Variants in TFEB observed in about 807,000 individuals in gnomAD.
TFEB encodes T-cell transcription factor EB.
In TFEB, 12 loss-of-function variants were observed where a neutral mutation model predicts 48.0. The ratio of observed to expected loss-of-function variants is 0.25; its 90% CI spans 0.16 to 0.40. The LOEUF (loss-of-function observed/expected upper bound fraction) is 0.40. Ranked by LOEUF, TFEB falls within the 10% of genes least tolerant of loss-of-function variation. The pLI is 1.00. For missense variants in TFEB, 509 were observed against 640.3 expected, an observed-to-expected ratio of 0.79 and a Z score of 2.21; for synonymous variants, 244 against 261.4, an observed-to-expected ratio of 0.93 and a Z score of 0.64.
Position 41,684,990 on chromosome 6 carries a change from T to C in TFEB, c.1040A>G (p.Lys347Arg). ...GCCCTCTTCGCTAGGCAGCTCCTGC[T>C]TCACCACCTGCTGGGCCAGCTCAGC... The part of the protein sequence containing the change: ...NMAELAQQVV[K>R]QELPSEEGPG... Residue 347 changes from lysine to arginine, a missense_variant, in exon 9 of 9, where the codon AAG becomes AGG. Transcript: ENST00000373033. 6.4e-7 allele frequency: 1 copy of C among 1,566,682 alleles called. No homozygotes were observed. Among genetic ancestry groups the C allele is most frequent in the Non-Finnish European group, 8.6e-7 (1 of 1,156,240 alleles).
chr6:41,729,991 G>C (rs1172812490), intron 1 of TFEB, among the ~76,000 whole-genome samples: 1 of 152,144 alleles, frequency 6.6e-6, no homozygotes, highest in Non-Finnish European at 1.5e-5. Flanking sequence ...TCAAATTCTA[G>C]ACCACATGGA....
chr6:41,686,314 G>C, intron 7 of TFEB, 77 bp from the exon 8 acceptor site: 11 of 1,574,922 alleles, frequency 7.0e-6, no homozygotes, highest in Non-Finnish European at 8.7e-6. Flanking sequence ...TCTGGTTGCA[G>C]AGCTTATGTG....
chr6:41,693,272 T>C (rs536475196), intron 1 of TFEB, among the ~76,000 whole-genome samples: 33 of 152,310 alleles, frequency 2.2e-4, no homozygotes, highest in African/African-American at 7.7e-4. Context: ...AATCACCAGA[T>C]AATAGAAATA....
intron 1 of TFEB, among the ~76,000 whole-genome samples, chr6:41,716,727 C>T (rs1244348467): frequency 6.6e-6 from 1 of 152,076 alleles, no homozygotes; most frequent in East Asian, 1.9e-4. Flanking sequence ...AGAAACAGGG[C>T]TAAAAATAGA....
Position 41,735,372 on chromosome 6 carries a change from C to A in TFEB, c.-45G>T, listed in dbSNP as rs1266645507. On this transcript the variant is annotated 5_prime_UTR_variant, in exon 1 of 9. Transcript: ENST00000373033. ...CACCTCGCTCTGAAGGTCAATCTGT[C>A]CGCCGCCCGCGCCCCGCGGCTCCGG... 2 of 985,554 alleles carry A rather than the reference C, an allele frequency of 2.0e-6. No homozygotes were observed. The highest frequency in any genetic ancestry group is 2.4e-6 in the Non-Finnish European group (2 of 830,454). The allele number at this position is 985,554 out of a possible 1,614,324, so 61.1% of individuals were successfully genotyped here. A position where few individuals can be genotyped will look rare whatever the true frequency, so the allele number is the denominator to read the frequency against.
rs952350833 is a variant in TFEB at position 41,716,217 on chromosome 6, T to C, written c.-23+19133A>G. ...CAGAGGTTGATGAGTTGCCCAAGTT[T>C]ACACAGCTAGGAAAGAGCCGAGCTA... On this transcript the variant is annotated intron_variant, in intron 1 of 8. Transcript: ENST00000373033. Among the ~76,000 whole-genome samples the C allele has an allele frequency of 2.8e-4, 43 of 152,222 alleles. 1 individual carries two copies. The highest frequency in any genetic ancestry group is 2.6e-3 in the Admixed American group (40 of 15,286).
Position 41,691,790 on chromosome 6 carries a change from A to G in TFEB, c.-22-555T>C, listed in dbSNP as rs547650329. On this transcript the variant is annotated intron_variant, in intron 1 of 8. Coordinates refer to ENST00000373033, the MANE Select transcript of TFEB (RefSeq NM_001271944.2). The surrounding 1 kb of genome is among the most constrained non-coding windows in gnomAD (Gnocchi z 5.2). Reference sequence around the variant, plus strand: ...TCCCACCTTCCTCAGGGGAAAAGCTAAAGTCCTTACCATGACTGGAAAGGC... The same window carrying G: ...TCCCACCTTCCTCAGGGGAAAAGCTGAAGTCCTTACCATGACTGGAAAGGC... Among the ~76,000 whole-genome samples, 1 of 152,222 alleles carries G rather than the reference A, an allele frequency of 6.6e-6. No homozygotes were observed. Among genetic ancestry groups the G allele is most frequent in the South Asian group, 2.1e-4 (1 of 4,824 alleles).
intron 1 of TFEB, among the ~76,000 whole-genome samples, chr6:41,701,200 C>CT (rs1417425744): frequency 2.6e-5 from 4 of 152,256 alleles, no homozygotes; most frequent in Non-Finnish European, 5.9e-5. Context: ...TCAGCTGCCG[C>CT]TTGCAGTCTA....
At chr6:41,709,587 T>G (rs1334229940) in intron 1 of TFEB, among the ~76,000 whole-genome samples, 4 of 151,446 alleles carry the variant, frequency 2.6e-5, no homozygotes, top group Admixed American at 2.0e-4. Context: ...GATGCATGCC[T>G]AAATGGACGG....
At chr6:41,688,204 A>ATTG in intron 4 of TFEB, 176 bp from the exon 5 acceptor site, 1 of 710,358 alleles carries the variant, frequency 1.4e-6, no homozygotes, top group South Asian at 2.2e-5. Context: ...CAGAGCTATT[A>ATTG]TAAGATGTAG....
At chr6:41,709,526 T>C (rs1048030228) in intron 1 of TFEB, among the ~76,000 whole-genome samples, 8 of 138,468 alleles carry the variant, frequency 5.8e-5, no homozygotes, top group Non-Finnish European at 9.1e-5. Flanking sequence ...GATATAATGG[T>C]TGGTGGATGG....
chr6:41,687,969 G>A lies in TFEB; in HGVS notation c.609C>T (p.Ser203=), dbSNP rs527463589. 1 of 1,614,018 alleles carries A rather than the reference G, an allele frequency of 6.2e-7. No homozygotes were observed. The highest frequency in any genetic ancestry group is 8.5e-7 in the Non-Finnish European group (1 of 1,179,978). The part of the protein sequence containing the change: ...VYSSDPQVTA[S]LVGVTSSSCP... Reference sequence around the variant, plus strand: ...AGGAGCTGCTGGTGACGCCCACCAGGGAGGCTGTGACCTGGGGGTCGCTGC... The same window carrying A: ...AGGAGCTGCTGGTGACGCCCACCAGAGAGGCTGTGACCTGGGGGTCGCTGC... Residue 203 remains serine (S), a synonymous_variant, in exon 5 of 9, where the codon TCC becomes TCT. Coordinates refer to ENST00000373033, the MANE Select transcript of TFEB (RefSeq NM_001271944.2).
chr6:41,684,759 G>A lies in TFEB; in HGVS notation c.1271C>T (p.Pro424Leu). 1 of 1,613,004 alleles carries A rather than the reference G, an allele frequency of 6.2e-7. No individual in the cohort carries two copies. Among genetic ancestry groups the A allele is most frequent in the Non-Finnish European group, 8.5e-7 (1 of 1,179,608 alleles). Residue 424 changes from proline to leucine, a missense_variant, in exon 9 of 9, where the codon CCA (proline) becomes CTA (leucine). Pro to Leu is a moderately conservative substitution (Grantham distance 98). Transcript: ENST00000373033. ...PEPLAPGHGSPFPSLSKKDLD... is the reference protein window; with the variant it reads ...PEPLAPGHGSLFPSLSKKDLD... Reference sequence around the variant, plus strand: ...ATCCTTCTTGGACAGGCTGGGGAATGGGGAGCCATGCCCCGGCGCCAGGGG... The same window carrying A: ...ATCCTTCTTGGACAGGCTGGGGAATAGGGAGCCATGCCCCGGCGCCAGGGG...
intron 1 of TFEB, among the ~76,000 whole-genome samples, chr6:41,699,880 T>C (rs1200832982): frequency 6.6e-6 from 1 of 152,224 alleles, no homozygotes; most frequent in African/African-American, 2.4e-5. Flanking sequence ...AAGTGTAACT[T>C]ATCCTAGCAA....
rs745772704 is a variant in TFEB at position 41,735,545 on chromosome 6, G to A, written c.-218C>T. 1.5e-4 allele frequency: 147 copies of A among 984,528 alleles called. No individual in the cohort carries two copies. The highest frequency in any genetic ancestry group is 1.7e-4 in the Non-Finnish European group (144 of 829,794). 61.0% of individuals were successfully genotyped at this position (984,528 alleles called of 1,614,324 possible). ...CGCGGCCGCTCCCTGCGTCCCGCCC[G>A]GGCCGCCGCCTCCGCTGTCACCGAG... On this transcript the variant is annotated 5_prime_UTR_variant, in exon 1 of 9. Coordinates refer to ENST00000373033, the MANE Select transcript of TFEB (RefSeq NM_001271944.2).
intron 1 of TFEB, among the ~76,000 whole-genome samples, chr6:41,722,558 T>C (rs959986280): frequency 2.6e-5 from 4 of 152,348 alleles, no homozygotes; most frequent in African/African-American, 9.6e-5. Context: ...AGCAAGTCAC[T>C]CTAGCCCCTG....
Position 41,684,849 on chromosome 6 carries a change from A to C in TFEB, c.1181T>G (p.Leu394Arg). 6.3e-7 allele frequency: 1 copy of C among 1,578,862 alleles called. No individual in the cohort carries two copies. The highest frequency in any genetic ancestry group is 8.6e-7 in the Non-Finnish European group (1 of 1,160,580). Residue 394 changes from leucine (L) to arginine (R), a missense_variant, in exon 9 of 9, where the codon CTG (leucine) becomes CGG (arginine). Leu to Arg is a moderately radical substitution (Grantham distance 102, BLOSUM62 -2). Around this residue, in one of 4 missense-constraint regions of TFEB, gnomAD observed 168 missense variants for 161.0 expected, o/e 1.04. Coordinates refer to ENST00000373033, the MANE Select transcript of TFEB (RefSeq NM_001271944.2). ...PTQPPSPFHHLDFSHSLSFGG... is the reference protein window; with the variant it reads ...PTQPPSPFHHRDFSHSLSFGG... ...AAAGCTCAGGCTGTGGCTGAAGTCC[A>C]GGTGATGGAATGGGGATGGTGGCTG... is the stretch of plus-strand genomic sequence containing the variant.
At chr6:41,718,844 T>C (rs774067608) in intron 1 of TFEB, among the ~76,000 whole-genome samples, 2 of 152,112 alleles carry the variant, frequency 1.3e-5, no homozygotes, top group Non-Finnish European at 2.9e-5. Flanking sequence ...ACACAATCCG[T>C]TGGGACCTGC....
At chr6:41,687,441 C>T (rs1769069134) in intron 6 of TFEB, among the ~76,000 whole-genome samples, 1 of 152,196 alleles carries the variant, frequency 6.6e-6, no homozygotes, top group Non-Finnish European at 1.5e-5. Context: ...AGGACTCTTC[C>T]CTGCTACACA....
Sources: gnomAD v4.1 joint callset for allele counts (sites outside exome capture counted in the v4.1 genomes callset) on GRCh38, gnomAD v4.1.1 for gene constraint, gnomAD v4.1.1 regional missense constraint, Gnocchi (gnomAD v3.1) non-coding constraint, MANE v1.5 for transcripts, NCBI Gene and HGNC (gene_info 2026-07-23, HGNC 2026-07-21) for gene names.